The following CNTNAP2 variants were observed in gnomAD, a reference collection of about 807,000 sequenced individuals.
CNTNAP2 encodes the protein contactin associated protein 2, also known as contactin-associated protein-like 2.
In CNTNAP2, 98 loss-of-function variants were observed where a neutral mutation model predicts 155.2. That is an observed-to-expected ratio of 0.63 (90% CI 0.54 to 0.75). The LOEUF (loss-of-function observed/expected upper bound fraction) is 0.75, where lower values mean the gene tolerates loss of function less well. Among genes scored for constraint, CNTNAP2 ranks in the 30% least tolerant of loss-of-function variants. The pLI, the probability that CNTNAP2 is intolerant of heterozygous loss-of-function variation, is 0.00. For synonymous variants in CNTNAP2, 651 were observed against 631.2 expected, an observed-to-expected ratio of 1.03 and a Z score of -0.47; for missense variants, 1,727 against 1,688.1, an observed-to-expected ratio of 1.02 and a Z score of -0.40.
intron 15 of CNTNAP2, among the ~76,000 whole-genome samples, chr7:148,021,006 C>A (rs528535988): frequency 6.6e-6 from 1 of 152,228 alleles, no homozygotes; most frequent in Admixed American, 6.5e-5. Context: ...TTCTTCTCCA[C>A]CTTGTGCCCA....
At chr7:146,738,125 TC>T (rs1255469843) in intron 1 of CNTNAP2, among the ~76,000 whole-genome samples, 1 of 152,050 alleles carries the variant, frequency 6.6e-6, no homozygotes, top group Non-Finnish European at 1.5e-5. Flanking sequence ...TAATTTATAT[TC>T]CCACAAATAG....
intron 1 of CNTNAP2, among the ~76,000 whole-genome samples, chr7:146,766,710 C>T (rs779997432): frequency 1.3e-5 from 2 of 152,128 alleles, no homozygotes; most frequent in Non-Finnish European, 2.9e-5. Flanking sequence ...TTGGCTATCA[C>T]GTAAGTGTTC....
intron 1 of CNTNAP2, among the ~76,000 whole-genome samples, chr7:146,554,137 T>A (rs1392246929): frequency 1.3e-5 from 2 of 152,126 alleles, no homozygotes; most frequent in Non-Finnish European, 1.5e-5. Context: ...CCAAAAAGTA[T>A]CTACAAACAA....
At chr7:148,410,427 C>T (rs1031829631) in intron 23 of CNTNAP2, among the ~76,000 whole-genome samples, 6 of 151,962 alleles carry the variant, frequency 3.9e-5, no homozygotes, top group Non-Finnish European at 7.4e-5. Flanking sequence ...GTTAGCCAGG[C>T]GTGGTGGCGC....
intron 13 of CNTNAP2, among the ~76,000 whole-genome samples, chr7:147,676,290 G>A (rs1386140037): frequency 6.6e-6 from 1 of 152,014 alleles, no homozygotes; most frequent in Non-Finnish European, 1.5e-5. Context: ...TTAGCATTTA[G>A]TGTTAGCTAC....
At chr7:146,675,736 A>T (rs1800387423) in intron 1 of CNTNAP2, among the ~76,000 whole-genome samples, 1 of 152,076 alleles carries the variant, frequency 6.6e-6, no homozygotes, top group Admixed American at 6.6e-5. Context: ...TTCACTAGTC[A>T]TTTGTTATAA....
intron 15 of CNTNAP2, among the ~76,000 whole-genome samples, chr7:148,042,454 G>A (rs548344190): frequency 3.3e-5 from 5 of 152,068 alleles, no homozygotes; most frequent in Admixed American, 2.0e-4. Context: ...TTAGCATCAC[G>A]GCCCCTTTTC....
chr7:147,874,553 G>A (rs1458545890), intron 13 of CNTNAP2, among the ~76,000 whole-genome samples: 2 of 152,282 alleles, frequency 1.3e-5, no homozygotes, highest in Non-Finnish European at 2.9e-5. Context: ...GGGGCCCTGG[G>A]CCCAGCCCAT....
intron 1 of CNTNAP2, among the ~76,000 whole-genome samples, chr7:146,127,200 T>G (rs548832427): frequency 6.6e-6 from 1 of 152,296 alleles, no homozygotes; most frequent in Admixed American, 6.5e-5. Flanking sequence ...GTCCCCTCCT[T>G]TCATTTTTCC....
chr7:148,067,388 A>G (rs963833623), intron 15 of CNTNAP2, among the ~76,000 whole-genome samples: 2 of 152,168 alleles, frequency 1.3e-5, no homozygotes, highest in African/African-American at 2.4e-5. Context: ...CTAGCCACCC[A>G]GTGGAGCTAC....
At chr7:146,771,765 AT>A (rs1361500921) in intron 1 of CNTNAP2, among the ~76,000 whole-genome samples, 1 of 152,168 alleles carries the variant, frequency 6.6e-6, no homozygotes, top group African/African-American at 2.4e-5. Context: ...CTCCAGTATC[AT>A]TGGGGACTTA....
At chr7:147,805,520 C>A (rs969833761) in intron 13 of CNTNAP2, among the ~76,000 whole-genome samples, 2 of 152,156 alleles carry the variant, frequency 1.3e-5, no homozygotes, top group African/African-American at 4.8e-5. Context: ...AGAGGAAAGG[C>A]ATTCAGTTTT....
chr7:146,914,930 C>A (rs1222854873), intron 3 of CNTNAP2, among the ~76,000 whole-genome samples: 1 of 152,034 alleles, frequency 6.6e-6, no homozygotes, highest in Admixed American at 6.6e-5. Flanking sequence ...ATGTTATCTT[C>A]TAGAATTTTT....
intron 1 of CNTNAP2, among the ~76,000 whole-genome samples, chr7:146,587,153 G>T (rs1798705016): frequency 1.3e-5 from 2 of 151,952 alleles, no homozygotes; most frequent in Non-Finnish European, 2.9e-5. Context: ...TACCACAAAA[G>T]GTGTCTGGGT....
At chr7:147,291,444 C>T (rs1270424047) in intron 8 of CNTNAP2, among the ~76,000 whole-genome samples, 1 of 152,032 alleles carries the variant, frequency 6.6e-6, no homozygotes, top group Non-Finnish European at 1.5e-5. Flanking sequence ...TCTTACAAAA[C>T]ACAATATTTT....
chr7:147,215,418 G>A lies in CNTNAP2; in HGVS notation c.1348+82909G>A, dbSNP rs552037572. ...CTGTTTTTCTCCATAGTTTAGCCTTGTCCATAGTGTCACATGGTTGGACTC... is the reference window on the plus strand; with the variant it reads ...CTGTTTTTCTCCATAGTTTAGCCTTATCCATAGTGTCACATGGTTGGACTC... On this transcript the variant is annotated intron_variant, in intron 8 of 23. Transcript: ENST00000361727. Among the ~76,000 whole-genome samples, 28 of 152,152 alleles carry A rather than the reference G, an allele frequency of 1.8e-4. No homozygotes were observed. The Middle Eastern group carries it at 0.01, about 55-fold the overall frequency.
At chr7:147,066,965 C>T (rs542686075) in intron 4 of CNTNAP2, among the ~76,000 whole-genome samples, 179 of 152,202 alleles carry the variant, frequency 1.2e-3, no homozygotes, top group African/African-American at 4.0e-3. Flanking sequence ...CACCATATAG[C>T]GAAGAGAACG....
intron 1 of CNTNAP2, among the ~76,000 whole-genome samples, chr7:146,342,759 T>C (rs1163541631): frequency 1.3e-5 from 2 of 152,256 alleles, no homozygotes; most frequent in Admixed American, 6.5e-5. Flanking sequence ...CATTTATCTG[T>C]CTGTCAATTC....
At chr7:147,390,532 A>G (rs1036255946) in intron 9 of CNTNAP2, among the ~76,000 whole-genome samples, 3 of 152,108 alleles carry the variant, frequency 2.0e-5, no homozygotes, top group African/African-American at 7.2e-5. Flanking sequence ...CCATTTCAAG[A>G]TAGCAGACTC....
Sources: gnomAD v4.1 joint callset for allele counts (sites outside exome capture counted in the v4.1 genomes callset) on GRCh38, gnomAD v4.1.1 for gene constraint, MANE v1.5 for transcripts, NCBI Gene and HGNC (gene_info 2026-07-23, HGNC 2026-07-21) for gene names.